The following CAMTA1 variants were observed in gnomAD, a reference collection of about 807,000 sequenced individuals.
The protein encoded by CAMTA1 is calmodulin-binding transcription activator 1.
A neutral mutation model predicts 170.9 loss-of-function variants in CAMTA1; 27 were observed. The observed-to-expected ratio is 0.16, with a 90% CI of 0.12 to 0.22. The LOEUF is 0.22. Ranked by LOEUF, CAMTA1 falls within the 10% of genes least tolerant of loss-of-function variation. CAMTA1 has a pLI of 1.00. For synonymous variants in CAMTA1, 833 were observed against 891.5 expected (o/e 0.93, Z 1.17); for missense variants, 1,619 against 2,217.2 (o/e 0.73, Z 5.42).
chr1:7,084,557 G>C (rs1640462678), intron 3 of CAMTA1, among the ~76,000 whole-genome samples: 1 of 152,210 alleles, frequency 6.6e-6, no homozygotes, highest in Non-Finnish European at 1.5e-5. Flanking sequence ...CACTGGAGGG[G>C]ACACGGCTCG....
chr1:7,140,921 G>A (rs1388202601), intron 4 of CAMTA1, among the ~76,000 whole-genome samples: 1 of 152,136 alleles, frequency 6.6e-6, no homozygotes, highest in African/African-American at 2.4e-5. Flanking sequence ...AATTAAAAAT[G>A]TACCTTAAAG....
chr1:7,721,921 G>T (rs982031193), intron 11 of CAMTA1, among the ~76,000 whole-genome samples: 1 of 151,934 alleles, frequency 6.6e-6, no homozygotes, highest in Admixed American at 6.6e-5. Flanking sequence ...GACAGAGGAG[G>T]GACTTAATTT....
chr1:7,548,132 G>A (rs1366297200), intron 6 of CAMTA1, among the ~76,000 whole-genome samples: 1 of 152,214 alleles, frequency 6.6e-6, no homozygotes, highest in African/African-American at 2.4e-5. Flanking sequence ...AATAAAAGTT[G>A]ACAGTTATGC....
At chr1:7,711,890 G>T (rs1285862910) in intron 11 of CAMTA1, among the ~76,000 whole-genome samples, 1 of 152,150 alleles carries the variant, frequency 6.6e-6, no homozygotes. Flanking sequence ...GAAAAACAGT[G>T]CAATAAATGG....
chr1:6,948,135 A>T (rs1687866548), intron 3 of CAMTA1, among the ~76,000 whole-genome samples: 2 of 152,250 alleles, frequency 1.3e-5, no homozygotes. Context: ...TTTTACAGAT[A>T]GGCAGACTGA....
chr1:6,951,654 G>T (rs1049016846), intron 3 of CAMTA1, among the ~76,000 whole-genome samples: 1 of 152,160 alleles, frequency 6.6e-6, no homozygotes, highest in African/African-American at 2.4e-5. Context: ...CGGGTGGGAG[G>T]CTCTAGGGGG....
At chr1:7,208,985 C>T (rs1370994458) in intron 4 of CAMTA1, among the ~76,000 whole-genome samples, 1 of 152,198 alleles carries the variant, frequency 6.6e-6, no homozygotes, top group Non-Finnish European at 1.5e-5. Flanking sequence ...GCCGTGGAGA[C>T]ACCATAGTCT....
chr1:7,476,320 A>G (rs2093419233), intron 6 of CAMTA1, among the ~76,000 whole-genome samples: 1 of 152,120 alleles, frequency 6.6e-6, no homozygotes, highest in South Asian at 2.1e-4. Flanking sequence ...GCCATTTCTG[A>G]CCCTAGCCTA....
Position 7,708,616 on chromosome 1 carries a change from C to G in CAMTA1, c.2915-23832C>G, listed in dbSNP as rs189377361. Among the ~76,000 whole-genome samples the G allele has an allele frequency of 1.1e-3, 171 of 152,276 alleles. 1 individual carries two copies. Among genetic ancestry groups the G allele is most frequent in the African/African-American group, 4.1e-3 (169 of 41,540 alleles). The stretch of plus-strand genomic sequence containing the variant: ...TTTAGTTTATAAAGTATCGTGATCC[C>G]TGTAATTTGCTTAATTTTATATTGT... On this transcript the variant is annotated intron_variant, in intron 11 of 22. Coordinates refer to ENST00000303635, the MANE Select transcript of CAMTA1 (RefSeq NM_015215.4).
chr1:7,702,991 T>C (rs1462960995), intron 11 of CAMTA1, among the ~76,000 whole-genome samples: 1 of 152,098 alleles, frequency 6.6e-6, no homozygotes, highest in Non-Finnish European at 1.5e-5. Context: ...GCACAGACAG[T>C]GGAGCACACA....
chr1:7,753,782 G>A (rs1486356013), intron 21 of CAMTA1, among the ~76,000 whole-genome samples: 1 of 152,132 alleles, frequency 6.6e-6, no homozygotes, highest in African/African-American at 2.4e-5. Flanking sequence ...ATGTTCACTC[G>A]CCCTGTGCCT....
intron 11 of CAMTA1, among the ~76,000 whole-genome samples, chr1:7,726,303 T>G (rs1334872191): frequency 6.6e-6 from 1 of 152,216 alleles, no homozygotes; most frequent in Non-Finnish European, 1.5e-5. Context: ...AGGACATGGC[T>G]GATAGCTCAG....
At chr1:6,860,860 C>G (rs1664393663) in intron 3 of CAMTA1, among the ~76,000 whole-genome samples, 1 of 151,750 alleles carries the variant, frequency 6.6e-6, no homozygotes, top group Non-Finnish European at 1.5e-5. Context: ...TGTAGTGACC[C>G]CAGATTGTGT....
At chr1:6,799,086 T>A (rs531632111) in intron 1 of CAMTA1, among the ~76,000 whole-genome samples, 3 of 152,250 alleles carry the variant, frequency 2.0e-5, no homozygotes, top group African/African-American at 4.8e-5. Flanking sequence ...ATTAAAAAAA[T>A]TTTTTAGAGA....
At chr1:6,818,366 A>G (rs1646081842) in intron 1 of CAMTA1, among the ~76,000 whole-genome samples, 1 of 151,960 alleles carries the variant, frequency 6.6e-6, no homozygotes, top group African/African-American at 2.4e-5. Flanking sequence ...ATAACAACAA[A>G]TAAATAACTC....
chr1:7,521,823 A>C (rs2149978975), intron 6 of CAMTA1, among the ~76,000 whole-genome samples: 1 of 152,336 alleles, frequency 6.6e-6, no homozygotes, highest in East Asian at 1.9e-4. Flanking sequence ...CTGGGATTAC[A>C]GGCGTGAGCC....
intron 3 of CAMTA1, among the ~76,000 whole-genome samples, chr1:7,009,189 G>C (rs554085354): frequency 6.6e-6 from 1 of 152,390 alleles, no homozygotes; most frequent in African/African-American, 2.4e-5. Flanking sequence ...AACAAGGCAG[G>C]CTCGGACCAG....
At chr1:7,254,292 A>T (rs1425745786) in intron 5 of CAMTA1, among the ~76,000 whole-genome samples, 1 of 152,072 alleles carries the variant, frequency 6.6e-6, no homozygotes, top group Non-Finnish European at 1.5e-5. Context: ...GTGACTTGCC[A>T]TGGATGTTCT....
chr1:7,420,310 T>C (rs845253), intron 5 of CAMTA1, among the ~76,000 whole-genome samples: 137,656 of 152,154 alleles, frequency 0.9, 62,342 homozygotes, highest in East Asian at 0.99. Context: ...CCAGACCTGC[T>C]GCCCAGTGCC....
Sources: gnomAD v4.1 joint callset for allele counts (sites outside exome capture counted in the v4.1 genomes callset) on GRCh38, gnomAD v4.1.1 for gene constraint, MANE v1.5 for transcripts, NCBI Gene and HGNC (gene_info 2026-07-23, HGNC 2026-07-21) for gene names.